The following SSBP3 variants were observed in gnomAD, a reference collection of about 807,000 sequenced individuals.
The protein encoded by SSBP3 is single stranded DNA binding protein 3.
In SSBP3, 5 loss-of-function variants were observed where a neutral mutation model predicts 69.6. That is an observed-to-expected ratio of 0.07 (90% CI 0.04 to 0.15). The LOEUF (loss-of-function observed/expected upper bound fraction) is 0.15. Ranked by LOEUF, SSBP3 falls within the 10% of genes least tolerant of loss-of-function variation. The probability of loss-of-function intolerance (pLI) is 1.00; values close to 1 mark genes in which losing one functional copy is unlikely to be tolerated. For missense variants in SSBP3, 312 were observed against 534.0 expected, an observed-to-expected ratio of 0.58 and a Z score of 4.10; for synonymous variants, 196 against 193.4, an observed-to-expected ratio of 1.01 and a Z score of -0.11.
intron 4 of SSBP3, among the ~76,000 whole-genome samples, chr1:54,390,958 C>T (rs1648448307): frequency 6.6e-6 from 1 of 152,244 alleles, no homozygotes; most frequent in Admixed American, 6.5e-5. Context: ...CCCACTGGGC[C>T]ATCTGCCCCC....
chr1:54,242,292 A>C, intron 10 of SSBP3, 80 bp from the exon 11 acceptor site: 1 of 1,538,732 alleles, frequency 6.5e-7, no homozygotes. Flanking sequence ...GGGCAGAAGG[A>C]AAGGGCTGAA....
intron 4 of SSBP3, among the ~76,000 whole-genome samples, chr1:54,368,333 C>CCCGT (rs1488570950): frequency 2.0e-5 from 3 of 150,842 alleles, no homozygotes; most frequent in Non-Finnish European, 4.4e-5. Flanking sequence ...CATGGAGGGA[C>CCCGT]CCATGGGAGC....
exon 18 of SSBP3, chr1:54,226,607 G>A (rs1475971158): frequency 6.3e-6 from 1 of 158,370 alleles, no homozygotes; most frequent in East Asian, 1.9e-4. Flanking sequence ...TCTGGTGGAA[G>A]GGCTTGGGCA....
At chr1:54,390,387 G>A (rs535591569) in intron 4 of SSBP3, among the ~76,000 whole-genome samples, 1 of 152,126 alleles carries the variant, frequency 6.6e-6, no homozygotes, top group African/African-American at 2.4e-5. Context: ...TTTCCTCCTA[G>A]TCTCTTCTCT....
At chr1:54,411,168 C>G (rs1570092306), upstream of SSBP3, among the ~76,000 whole-genome samples, 1 of 152,070 alleles carries the variant, frequency 6.6e-6, no homozygotes, top group Non-Finnish European at 1.5e-5. Context: ...TTTTTCCTAC[C>G]TATTTCCTTC....
At chr1:54,377,051 G>A (rs953615616) in intron 4 of SSBP3, among the ~76,000 whole-genome samples, 3 of 152,174 alleles carry the variant, frequency 2.0e-5, no homozygotes, top group African/African-American at 7.2e-5. Flanking sequence ...CTCACCTCCA[G>A]GACACACAGT....
At chr1:54,318,738 C>T (rs1372959032) in intron 4 of SSBP3, among the ~76,000 whole-genome samples, 1 of 152,134 alleles carries the variant, frequency 6.6e-6, no homozygotes, top group Non-Finnish European at 1.5e-5. Context: ...AGGAGCCTCT[C>T]CACATCCCCC....
At chr1:54,300,009 A>C (rs1260905494) in intron 4 of SSBP3, among the ~76,000 whole-genome samples, 1 of 152,140 alleles carries the variant, frequency 6.6e-6, no homozygotes, top group African/African-American at 2.4e-5. Context: ...CTCCTATCAC[A>C]GTCTTCCTTC....
chr1:54,392,115 T>C (rs1178821235), intron 4 of SSBP3, among the ~76,000 whole-genome samples: 1 of 152,046 alleles, frequency 6.6e-6, no homozygotes, highest in Admixed American at 6.5e-5. Flanking sequence ...CAAGCATCTG[T>C]TGGGATTTTC....
At chr1:54,401,269 G>A (rs1294168187) in intron 4 of SSBP3, among the ~76,000 whole-genome samples, 1 of 152,118 alleles carries the variant, frequency 6.6e-6, no homozygotes, top group Non-Finnish European at 1.5e-5. Context: ...ACTACAATCT[G>A]ATGTTAACTA....
At chr1:54,247,039 G>A (rs971676795) in intron 9 of SSBP3, among the ~76,000 whole-genome samples, 1 of 152,230 alleles carries the variant, frequency 6.6e-6, no homozygotes, top group African/African-American at 2.4e-5. Flanking sequence ...CAGAGAGCAG[G>A]AGCCTCCAGT....
chr1:54,301,363 G>T (rs562994926), intron 4 of SSBP3, among the ~76,000 whole-genome samples: 1 of 152,252 alleles, frequency 6.6e-6, no homozygotes, highest in South Asian at 2.1e-4. Flanking sequence ...TAACCTAAGG[G>T]GCACACTGTA....
At chr1:54,334,371 A>AAATT (rs1367258052) in intron 4 of SSBP3, among the ~76,000 whole-genome samples, 1 of 152,072 alleles carries the variant, frequency 6.6e-6, no homozygotes, top group Non-Finnish European at 1.5e-5. Context: ...ATAAATAAAT[A>AAATT]AATTTCAAAA....
intron 5 of SSBP3, among the ~76,000 whole-genome samples, chr1:54,269,266 T>C (rs1645152873): frequency 6.6e-6 from 1 of 152,192 alleles, no homozygotes; most frequent in Non-Finnish European, 1.5e-5. Context: ...CTGGGTGCTC[T>C]TCAGCAAACT....
intron 4 of SSBP3, among the ~76,000 whole-genome samples, chr1:54,283,211 T>C (rs1191022065): frequency 6.8e-6 from 1 of 147,528 alleles, no homozygotes; most frequent in Non-Finnish European, 1.5e-5. Context: ...GAGGTTGCAG[T>C]GAGCCAAGAT....
intron 5 of SSBP3, among the ~76,000 whole-genome samples, chr1:54,274,251 G>A (rs562163056): frequency 6.6e-6 from 1 of 152,200 alleles, no homozygotes; most frequent in Non-Finnish European, 1.5e-5. Context: ...CTGTCTTCCT[G>A]AGCAACTGGC....
At chr1:54,389,226 T>G (rs985034244) in intron 4 of SSBP3, among the ~76,000 whole-genome samples, 2 of 152,156 alleles carry the variant, frequency 1.3e-5, no homozygotes, top group African/African-American at 2.4e-5. Flanking sequence ...GGTGACTCAA[T>G]GCATGCAATC....
intron 4 of SSBP3, among the ~76,000 whole-genome samples, chr1:54,360,137 C>T (rs1237317154): frequency 6.6e-6 from 1 of 152,232 alleles, no homozygotes; most frequent in Non-Finnish European, 1.5e-5. Context: ...AATTACATAA[C>T]TTCTCTTCCT....
At chr1:54,309,375 T>C (rs777954972) in intron 4 of SSBP3, among the ~76,000 whole-genome samples, 4 of 152,188 alleles carry the variant, frequency 2.6e-5, no homozygotes, top group Non-Finnish European at 5.9e-5. Context: ...GCGAGTGAAG[T>C]TTTTAGTCAA....
Sources: allele counts gnomAD v4.1 joint callset (sites outside exome capture counted in the v4.1 genomes callset), GRCh38; gene constraint gnomAD v4.1.1; transcripts MANE v1.5; gene names NCBI Gene and HGNC (gene_info 2026-07-23, HGNC 2026-07-21).